The following AK5 variants were observed in gnomAD, a reference collection of about 807,000 sequenced individuals.
AK5 encodes the protein adenylate kinase isoenzyme 5.
Under a neutral mutation model 69.5 loss-of-function variants are expected in AK5, and 27 were observed. The observed-to-expected ratio is 0.39, with a 90% CI of 0.29 to 0.54. AK5 has a LOEUF of 0.54. Among genes scored for constraint, AK5 ranks in the 20% least tolerant of loss-of-function variants. AK5 has a pLI of 0.71. For synonymous variants in AK5, 260 were observed against 244.4 expected (o/e 1.06, Z -0.60); for missense variants, 531 against 700.4 (o/e 0.76, Z 2.73).
chr1:77,469,704 A>G (rs1654347515), intron 8 of AK5, among the ~76,000 whole-genome samples: 1 of 152,220 alleles, frequency 6.6e-6, no homozygotes, highest in South Asian at 2.1e-4. Flanking sequence ...TGTGCTCCAT[A>G]TGGTCCCTCA....
chr1:77,324,339 G>C (rs1660685886), intron 5 of AK5, among the ~76,000 whole-genome samples: 1 of 151,672 alleles, frequency 6.6e-6, no homozygotes, highest in East Asian at 1.9e-4. Flanking sequence ...GTGTGTGTGT[G>C]TGTGTGTGTG....
chr1:77,392,445 G>T (rs533096499), intron 6 of AK5, among the ~76,000 whole-genome samples: 2 of 152,170 alleles, frequency 1.3e-5, no homozygotes, highest in Non-Finnish European at 2.9e-5. Context: ...ATTAGAGAAA[G>T]AAATAAAATA....
rs1351753832 is a variant in AK5, at chr1:77,286,628, C to T, written c.61-313C>T. Among the ~76,000 whole-genome samples the T allele has an allele frequency of 4.6e-5, 7 of 151,930 alleles. No homozygotes were observed. In the East Asian group the frequency reaches 5.8e-4, roughly 13 times the overall value. On this transcript the variant is annotated intron_variant, in intron 1 of 13. Coordinates refer to ENST00000354567, the MANE Select transcript of AK5 (RefSeq NM_174858.3). ...TTGGAAGGCGGAGGTAGGTGGATCGCTTGAGTTAAGGAGTTCGAAACCAAC... is the reference window on the plus strand; with the variant it reads ...TTGGAAGGCGGAGGTAGGTGGATCGTTTGAGTTAAGGAGTTCGAAACCAAC...
chr1:77,486,377 TAAC>T (rs755220848), intron 10 of AK5, 25 bp downstream of exon 10: 1 of 1,547,022 alleles, frequency 6.5e-7, no homozygotes, highest in Admixed American at 1.7e-5. Flanking sequence ...TTGCATTTTC[TAAC>T]AATACAATTG....
intron 6 of AK5, among the ~76,000 whole-genome samples, chr1:77,357,406 A>AT (rs1158910063): frequency 3.9e-5 from 6 of 152,222 alleles, no homozygotes; most frequent in Non-Finnish European, 7.3e-5. Context: ...TAAACCTCTC[A>AT]TATCACATGA....
At position 77,535,839 on chromosome 1, in the gene AK5, A is replaced by G. The variant is rs769460597; in HGVS notation, c.1429-8A>G. On this transcript the variant is annotated splice_polypyrimidine_tract_variant and splice_region_variant and intron_variant, in intron 12 of 13. Transcript: ENST00000354567. ...TCTGACTGTGTTGTGCTCCACTCCC[A>G]TCTCCAGATTGGAGACCCACAGTTG... The G allele has an allele frequency of 3.7e-6, 6 of 1,610,438 alleles. No homozygotes were observed. Among genetic ancestry groups the G allele is most frequent in the East Asian group, 4.5e-5 (2 of 44,830 alleles).
rs2100631744 is a variant in AK5, at chr1:77,282,722, T to G, written c.60+349T>G. 3 of 1,056,554 alleles carry G rather than the reference T, an allele frequency of 2.8e-6. No individual in the cohort carries two copies. In the African/African-American group the frequency reaches 5.0e-5, roughly 18 times the overall value. 65.4% of individuals were successfully genotyped at this position (1,056,554 alleles called of 1,614,324 possible). A position where few individuals can be genotyped will look rare whatever the true frequency, so the allele number is the denominator to read the frequency against. On this transcript the variant is annotated intron_variant, in intron 1 of 13. Coordinates refer to ENST00000354567, the MANE Select transcript of AK5 (RefSeq NM_174858.3). ...CTCTGGGGGCGAGGGCCAGGTCAGG[T>G]GGCTGCACTGTCGCCCAGCAGCGAG...
intron 6 of AK5, among the ~76,000 whole-genome samples, chr1:77,400,440 T>TA (rs938094364): frequency 3.9e-5 from 6 of 152,194 alleles, no homozygotes; most frequent in African/African-American, 7.2e-5. Flanking sequence ...TTAAAATTGA[T>TA]AAAAAATGTA....
At chr1:77,518,535 G>A (rs1483155206) in intron 10 of AK5, 29 bp from the exon 11 acceptor site, 2 of 1,608,682 alleles carry the variant, frequency 1.2e-6, no homozygotes, top group East Asian at 2.2e-5. Context: ...GACTTGGAAT[G>A]CATGTCTGAC....
At chr1:77,505,885 A>T (rs1248922210) in intron 10 of AK5, among the ~76,000 whole-genome samples, 1 of 152,092 alleles carries the variant, frequency 6.6e-6, no homozygotes, top group Non-Finnish European at 1.5e-5. Context: ...GCAAGACTCC[A>T]TCTCAAAAAA....
chr1:77,293,928 C>A lies in AK5; in HGVS notation c.383C>A (p.Thr128Asn), dbSNP rs375637166. The A allele has an allele frequency of 1.2e-5, 19 of 1,612,246 alleles. No individual in the cohort carries two copies. The highest frequency in any genetic ancestry group is 1.7e-5 in the Admixed American group (1 of 59,598). ...LIEEYEVFDP[T>N]RPRPKIILVI... ...GAGGAGTATGAGGTTTTTGATCCTA[C>A]CAGACCTCGACCAAAAATCATTCTT... The change falls in exon 3 of 14, where the codon ACC becomes AAC. Residue 128 changes from threonine (T) to asparagine (N), a missense_variant. By Grantham distance (65) the Thr-to-Asn change is moderately conservative. Coordinates refer to ENST00000354567, the MANE Select transcript of AK5 (RefSeq NM_174858.3).
intron 8 of AK5, among the ~76,000 whole-genome samples, chr1:77,472,703 T>C (rs1654591444): frequency 8.3e-6 from 1 of 120,826 alleles, no homozygotes; most frequent in African/African-American, 2.8e-5. Flanking sequence ...GACAACATGG[T>C]AAAATACCAT....
At chr1:77,283,249 A>G (rs1658164167) in intron 1 of AK5, 1 of 985,440 alleles carries the variant, frequency 1.0e-6, no homozygotes, top group Non-Finnish European at 1.2e-6. Flanking sequence ...TTGTATTTGA[A>G]TTTAAAAACA....
At chr1:77,470,871 A>T (rs1263911696) in intron 8 of AK5, among the ~76,000 whole-genome samples, 27,689 of 41,512 alleles carry the variant, frequency 0.67, 7,337 homozygotes, top group South Asian at 0.75. Flanking sequence ...ATATATATAT[A>T]TATATTTTTT....
chr1:77,477,357 C>A (rs970550216), intron 8 of AK5, among the ~76,000 whole-genome samples: 15 of 152,228 alleles, frequency 9.9e-5, no homozygotes, highest in African/African-American at 2.9e-4. Flanking sequence ...ATTATTCCAT[C>A]CTATTAAGAT....
chr1:77,320,858 A>G (rs1046482081), intron 5 of AK5, among the ~76,000 whole-genome samples: 2 of 152,230 alleles, frequency 1.3e-5, no homozygotes, highest in African/African-American at 4.8e-5. Flanking sequence ...GGAATACTCC[A>G]TAGTGGTGAA....
At chr1:77,510,627 G>A (rs1460876889) in intron 10 of AK5, among the ~76,000 whole-genome samples, 2 of 152,074 alleles carry the variant, frequency 1.3e-5, no homozygotes, top group African/African-American at 4.8e-5. Context: ...ATGTTATACA[G>A]AAGAAAAGAT....
At chr1:77,464,498 G>A (rs1404284995) in intron 8 of AK5, among the ~76,000 whole-genome samples, 4 of 152,174 alleles carry the variant, frequency 2.6e-5, no homozygotes, top group African/African-American at 9.7e-5. Flanking sequence ...AGTGACTTGA[G>A]TTCAGTCTTA....
chr1:77,521,193 G>T (rs1008438073), intron 11 of AK5, among the ~76,000 whole-genome samples: 1 of 151,780 alleles, frequency 6.6e-6, no homozygotes, highest in African/African-American at 2.4e-5. Flanking sequence ...GAGGGCTGTG[G>T]CAGGATCTTG....
Sources: gnomAD v4.1 joint callset for allele counts (sites outside exome capture counted in the v4.1 genomes callset) on GRCh38, gnomAD v4.1.1 for gene constraint, MANE v1.5 for transcripts, NCBI Gene and HGNC (gene_info 2026-07-23, HGNC 2026-07-21) for gene names.